The following EPB41L2 variants were observed in gnomAD, a reference collection of about 807,000 sequenced individuals.
EPB41L2 encodes the protein band 4.1-like protein 2.
Under a neutral mutation model 113.0 loss-of-function variants are expected in EPB41L2, and 43 were observed. The observed-to-expected ratio is 0.38, with a 90% CI of 0.30 to 0.49. EPB41L2 has a LOEUF of 0.49. Ranked by LOEUF, EPB41L2 falls within the 20% of genes least tolerant of loss-of-function variation. The pLI is 0.95. For synonymous variants in EPB41L2, 442 were observed against 436.7 expected, an observed-to-expected ratio of 1.01 and a Z score of -0.15; for missense variants, 1,147 against 1,223.4, an observed-to-expected ratio of 0.94 and a Z score of 0.93.
At chr6:130,919,721 C>T (rs1319211317) in intron 4 of EPB41L2, among the ~76,000 whole-genome samples, 2 of 152,168 alleles carry the variant, frequency 1.3e-5, no homozygotes, top group African/African-American at 4.8e-5. Context: ...CAACTGAGAA[C>T]CCTGCTAATA....
intron 10 of EPB41L2, among the ~76,000 whole-genome samples, chr6:130,894,028 C>A (rs1463423180): frequency 2.0e-5 from 3 of 151,962 alleles, no homozygotes; most frequent in Non-Finnish European, 4.4e-5. Context: ...AATGCATGGA[C>A]AGAAATGGAC....
At position 130,956,413 on chromosome 6, in the gene EPB41L2, C is replaced by A; in HGVS notation, c.73G>T (p.Glu25Ter). Residue 25 changes from glutamate (E) to a stop codon, truncating the protein, a stop_gained, in exon 2 of 20, where the codon GAA becomes TAA. Coordinates refer to ENST00000337057, the MANE Select transcript of EPB41L2 (RefSeq NM_001431.4). LOFTEE classifies it high-confidence loss of function. ...TTTTCTGCTACTTCTTTAGGTTTTT[C>A]CTTGGTTGCATCTGTTCCTAACTGG... ...SSQLGTDATK[E>*]KPKEVAENQQ... 6.2e-7 allele frequency: 1 copy of A among 1,614,098 alleles called. No homozygotes were observed. The highest frequency in any genetic ancestry group is 8.5e-7 in the Non-Finnish European group (1 of 1,180,034).
Position 131,017,742 on chromosome 6 carries a change from T to A in EPB41L2, c.-15+45413A>T, listed in dbSNP as rs1405912475. Among the ~76,000 whole-genome samples the A allele has an allele frequency of 2.0e-5, 3 of 152,206 alleles. 1 individual carries two copies. The East Asian group carries it at 5.8e-4, about 29-fold the overall frequency. On this transcript the variant is annotated intron_variant, in intron 1 of 19. Coordinates refer to ENST00000337057, the MANE Select transcript of EPB41L2 (RefSeq NM_001431.4). ...TAGTATGGTATGGTCAGTTTTACAC[T>A]GCCAAACTGTTCTCCAAGATGGTTA... is the stretch of plus-strand genomic sequence containing the variant.
intron 12 of EPB41L2, among the ~76,000 whole-genome samples, chr6:130,883,557 A>C (rs1789972600): frequency 6.6e-6 from 1 of 152,234 alleles, no homozygotes; most frequent in Admixed American, 6.5e-5. Context: ...TTCCTTTGAA[A>C]TTTAAAAGAA....
intron 18 of EPB41L2, among the ~76,000 whole-genome samples, chr6:130,862,664 A>T (rs1267667816): frequency 6.6e-6 from 1 of 152,258 alleles, no homozygotes; most frequent in Non-Finnish European, 1.5e-5. Context: ...GAAAATTTTA[A>T]AAGTACATTA....
chr6:130,853,197 T>C (rs182537394), intron 19 of EPB41L2, among the ~76,000 whole-genome samples: 1 of 152,334 alleles, frequency 6.6e-6, no homozygotes, highest in Non-Finnish European at 1.5e-5. Context: ...GCCACTCCTC[T>C]GTCGTTTCAT....
chr6:131,021,681 C>A (rs1050429672), intron 1 of EPB41L2, among the ~76,000 whole-genome samples: 1 of 151,904 alleles, frequency 6.6e-6, no homozygotes, highest in Non-Finnish European at 1.5e-5. Context: ...AAAAGTAATA[C>A]AAACAATAAT....
intron 3 of EPB41L2, among the ~76,000 whole-genome samples, chr6:130,950,863 T>C (rs1814670949): frequency 6.6e-6 from 1 of 152,144 alleles, no homozygotes; most frequent in Non-Finnish European, 1.5e-5. Context: ...ATTACAACAT[T>C]AGCGGGTTAG....
At chr6:131,060,588 AG>A (rs1443067655) in intron 1 of EPB41L2, among the ~76,000 whole-genome samples, 1 of 152,228 alleles carries the variant, frequency 6.6e-6, no homozygotes, top group African/African-American at 2.4e-5. Flanking sequence ...TGTTACGTTA[AG>A]AAGCCAAGGA....
chr6:130,882,534 C>T (rs1789647915), intron 12 of EPB41L2: 2 of 152,834 alleles, frequency 1.3e-5, no homozygotes, highest in African/African-American at 2.4e-5. Flanking sequence ...ACTTCCTCTT[C>T]CTCGAGCTTG....
intron 3 of EPB41L2, among the ~76,000 whole-genome samples, chr6:130,938,599 A>G (rs1269729359): frequency 6.6e-6 from 1 of 152,188 alleles, no homozygotes; most frequent in Admixed American, 6.5e-5. Flanking sequence ...GCCTTTCAAA[A>G]AGGCTGTACT....
intron 8 of EPB41L2, among the ~76,000 whole-genome samples, chr6:130,897,424 C>G (rs961005368): frequency 6.6e-6 from 1 of 152,126 alleles, no homozygotes; most frequent in South Asian, 2.1e-4. Flanking sequence ...TAGTGTTCTG[C>G]TCCTAACTAC....
At chr6:131,000,484 C>T (rs939952663) in intron 1 of EPB41L2, 1 of 152,198 alleles carries the variant, frequency 6.6e-6, no homozygotes, top group African/African-American at 2.4e-5. Context: ...CAAATCTGAA[C>T]CATACATCAA....
chr6:130,875,031 T>C (rs1259598826), intron 14 of EPB41L2, among the ~76,000 whole-genome samples: 3 of 152,236 alleles, frequency 2.0e-5, no homozygotes, highest in Non-Finnish European at 4.4e-5. Context: ...CAGGCTAACC[T>C]TTAAAGTATA....
At chr6:130,876,687 T>C in intron 14 of EPB41L2, 1 of 1,304,048 alleles carries the variant, frequency 7.7e-7, no homozygotes, top group Non-Finnish European at 1.0e-6. Flanking sequence ...GTCCGTCTCC[T>C]GAGCTTTTTC....
intron 19 of EPB41L2, among the ~76,000 whole-genome samples, chr6:130,851,367 C>G (rs145666666): frequency 1.8e-4 from 28 of 152,264 alleles, no homozygotes; most frequent in Non-Finnish European, 3.1e-4. Context: ...GAAACAAACA[C>G]AAGATTGTTT....
In EPB41L2 at chr6:130,890,343, T is replaced by G. The variant is rs748744325; in HGVS notation, c.1611A>C (p.Pro537=). Residue 537 remains proline, a synonymous_variant, in exon 11 of 20, where the codon CCA becomes CCC. Coordinates refer to ENST00000337057, the MANE Select transcript of EPB41L2 (RefSeq NM_001431.4). ...GTTTACTAGAAGTGCGCTCAAAGTG[T>G]GGTGCTGGCCTATCTATGAGGGTGC... ...QASTLIDRPA[P]HFERTSSKRV... The G allele has an allele frequency of 6.2e-7, 1 of 1,613,524 alleles. No homozygotes were observed. Among genetic ancestry groups the G allele is most frequent in the South Asian group, 1.1e-5 (1 of 91,002 alleles).
chr6:130,890,526 C>T (rs1045642079), intron 10 of EPB41L2, 60 bp from the exon 11 acceptor site: 38 of 1,524,842 alleles, frequency 2.5e-5, no homozygotes, highest in African/African-American at 8.4e-5. Context: ...TTAGACTTTA[C>T]GGAATTTTTT....
At chr6:131,026,277 C>T (rs1437941510) in intron 1 of EPB41L2, among the ~76,000 whole-genome samples, 2 of 152,142 alleles carry the variant, frequency 1.3e-5, no homozygotes, top group African/African-American at 4.8e-5. Context: ...TTATAACCAA[C>T]CTTCCAGTTC....
Sources: allele counts gnomAD v4.1 joint callset (sites outside exome capture counted in the v4.1 genomes callset), GRCh38; gene constraint gnomAD v4.1.1; transcripts MANE v1.5; gene names NCBI Gene and HGNC (gene_info 2026-07-23, HGNC 2026-07-21).